NT5C2: variants seen among roughly 807,000 people sequenced by gnomAD.
NT5C2 encodes 5'-nucleotidase, cytosolic II, also known as cytosolic purine 5'-nucleotidase.
NT5C2 carries 58 observed loss-of-function variants against 76.1 expected under a neutral mutation model. The observed-to-expected ratio is 0.76, with a 90% CI of 0.62 to 0.95. The LOEUF (loss-of-function observed/expected upper bound fraction) is 0.95. Among genes scored for constraint, NT5C2 ranks in the 40% least tolerant of loss-of-function variants. The pLI is 0.00. For missense variants in NT5C2, 478 were observed against 690.3 expected (o/e 0.69, Z 3.45); for synonymous variants, 229 against 237.4 (o/e 0.96, Z 0.32).
At chr10:103,102,557 C>T (rs1402537336) in intron 6 of NT5C2, among the ~76,000 whole-genome samples, 3 of 150,672 alleles carry the variant, frequency 2.0e-5, no homozygotes, top group Middle Eastern at 3.4e-3. Flanking sequence ...GACAGAGTCT[C>T]ACTCTGTCGG....
intron 3 of NT5C2, among the ~76,000 whole-genome samples, chr10:103,161,452 G>A (rs2084859423): frequency 1.3e-5 from 2 of 152,178 alleles, no homozygotes; most frequent in Non-Finnish European, 2.9e-5. Context: ...GAAGTGCTGG[G>A]ATTACAGGCA....
At chr10:103,106,566 C>T in intron 5 of NT5C2, 23 bp downstream of exon 5, 2 of 1,464,386 alleles carry the variant, frequency 1.4e-6, no homozygotes, top group Non-Finnish European at 1.9e-6. Flanking sequence ...TAGTCTTAAT[C>T]CAAAAATATC....
intron 16 of NT5C2, 51 bp from the exon 17 acceptor site, chr10:103,091,047 T>A (rs780164031): frequency 3.5e-5 from 53 of 1,522,784 alleles, no homozygotes; most frequent in Middle Eastern, 3.4e-4. Flanking sequence ...AGCTTTTTTT[T>A]ATTCTTTAAG....
intron 6 of NT5C2, 148 bp downstream of exon 6, chr10:103,105,554 TAATA>T (rs2071019863): frequency 1.7e-6 from 1 of 589,124 alleles, no homozygotes; most frequent in Non-Finnish European, 2.9e-6. Flanking sequence ...TCCAACTGCC[TAATA>T]AATAACTGTT....
intron 2 of NT5C2, among the ~76,000 whole-genome samples, chr10:103,179,911 AAAAC>A (rs1215977059): frequency 6.6e-6 from 1 of 152,222 alleles, no homozygotes; most frequent in Non-Finnish European, 1.5e-5. Context: ...TTAAAAAACT[AAAAC>A]AAAATTGCAT....
At chr10:103,145,093 G>A (rs542828884) in intron 3 of NT5C2, among the ~76,000 whole-genome samples, 27 of 152,182 alleles carry the variant, frequency 1.8e-4, no homozygotes, top group Admixed American at 3.9e-4. Flanking sequence ...TAGCTGAAGT[G>A]CATAAGCAAA....
rs35763505 is a variant in NT5C2 at position 103,118,361 on chromosome 10, C to CTTT, written c.176-11658_176-11656dup. On this transcript the variant is annotated intron_variant, in intron 4 of 18. Coordinates refer to ENST00000404739, the MANE Select transcript of NT5C2 (RefSeq NM_001351169.2). ...GCATGAAATTATCATATTTCTTTTC[C>CTTT]TTTTTTTTTTTTTTTGGATAGGTCT... Among the ~76,000 whole-genome samples the CTTT allele has an allele frequency of 2.4e-3, 337 of 137,740 alleles. 1 individual carries two copies. The highest frequency in any genetic ancestry group is 0.016 in the Middle Eastern group (4 of 258). The allele number at this position is 137,740 out of a possible 152,430, so 90.4% of individuals were successfully genotyped here.
intron 4 of NT5C2, among the ~76,000 whole-genome samples, chr10:103,123,503 T>A (rs886864885): frequency 5.3e-5 from 8 of 152,136 alleles, no homozygotes; most frequent in Admixed American, 4.6e-4. Flanking sequence ...CTGTGAGCAA[T>A]CATGCCTGGC....
rs560503735 is a variant in NT5C2 at position 103,185,550 on chromosome 10, A to G, written c.-168-4222T>C. 2.6e-3 allele frequency among the ~76,000 whole-genome samples: 386 copies of G among 148,698 alleles called. 1 individual carries two copies. Among genetic ancestry groups the G allele is most frequent in the Non-Finnish European group, 4.3e-3 (289 of 67,356 alleles). On this transcript the variant is annotated intron_variant, in intron 1 of 18. Transcript: ENST00000404739. ...GTAGACCCAGCTACTCGGGAGGCTG[A>G]GGTAGGAAGATTGCTTGAGCCGGGA...
At chr10:103,166,440 T>A (rs1023918418) in intron 3 of NT5C2, among the ~76,000 whole-genome samples, 1 of 152,190 alleles carries the variant, frequency 6.6e-6, no homozygotes, top group African/African-American at 2.4e-5. Context: ...TTGAGATATA[T>A]CAAAGCTGTT....
intron 12 of NT5C2, among the ~76,000 whole-genome samples, chr10:103,095,121 A>T (rs2067878146): frequency 6.6e-6 from 1 of 152,246 alleles, no homozygotes; most frequent in Admixed American, 6.5e-5. Context: ...AGATTAAGAC[A>T]GAGGCAGGCA....
At chr10:103,111,824 CAACAA>C (rs2073108591) in intron 4 of NT5C2, 4 of 1,229,162 alleles carry the variant, frequency 3.3e-6, no homozygotes, top group Non-Finnish European at 3.0e-6. Context: ...AAACAAAAAG[CAACAA>C]AACAAAACAA....
At chr10:103,107,454 C>T (rs2071597985) in intron 4 of NT5C2, among the ~76,000 whole-genome samples, 1 of 152,064 alleles carries the variant, frequency 6.6e-6, no homozygotes. Context: ...GCGGGCAGAT[C>T]ACTTGAGGTG....
intron 4 of NT5C2, among the ~76,000 whole-genome samples, chr10:103,133,970 G>A (rs568806648): frequency 6.6e-6 from 1 of 152,192 alleles, no homozygotes; most frequent in Non-Finnish European, 1.5e-5. Context: ...CTTTGAACTT[G>A]AGAGAGATGA....
intron 4 of NT5C2, chr10:103,125,318 G>T: frequency 2.0e-6 from 1 of 512,624 alleles, no homozygotes; most frequent in Non-Finnish European, 3.6e-6. Flanking sequence ...AAAAGACAAT[G>T]ACTTTGGAGC....
intron 3 of NT5C2, among the ~76,000 whole-genome samples, chr10:103,155,133 T>A (rs1300786317): frequency 6.6e-6 from 1 of 152,168 alleles, no homozygotes; most frequent in Middle Eastern, 3.2e-3. Flanking sequence ...CAGATACCAG[T>A]GATACAAAGA....
rs545868121 is a variant in NT5C2 at position 103,127,777 on chromosome 10, C to T, written c.175+11629G>A. Among the ~76,000 whole-genome samples the T allele has an allele frequency of 1.5e-3, 231 of 152,204 alleles. 1 individual carries two copies. Among genetic ancestry groups the T allele is most frequent in the African/African-American group, 5.4e-3 (224 of 41,536 alleles). ...TTCACTGTGTTGGCCAGGATGGTCT[C>T]GATCTCCTGACCTTGTGATCCGCCC... On this transcript the variant is annotated intron_variant, in intron 4 of 18. Transcript: ENST00000404739.
At chr10:103,174,338 G>A (rs554805921) in intron 3 of NT5C2, among the ~76,000 whole-genome samples, 5 of 152,320 alleles carry the variant, frequency 3.3e-5, no homozygotes, top group African/African-American at 1.2e-4. Context: ...CCAGAAGGCA[G>A]AGGTTGCAGT....
intron 1 of NT5C2, among the ~76,000 whole-genome samples, chr10:103,192,278 G>A (rs1037346031): frequency 6.6e-6 from 1 of 152,036 alleles, no homozygotes; most frequent in Non-Finnish European, 1.5e-5. Flanking sequence ...GGACGGGCGC[G>A]CACACACCCC....
Sources: allele counts gnomAD v4.1 joint callset (sites outside exome capture counted in the v4.1 genomes callset), GRCh38; gene constraint gnomAD v4.1.1; transcripts MANE v1.5; gene names NCBI Gene and HGNC (gene_info 2026-07-23, HGNC 2026-07-21).